The following SPAG16 variants were observed in gnomAD, a reference collection of about 807,000 sequenced individuals.
SPAG16 encodes sperm-associated antigen 16 protein.
A neutral mutation model predicts 80.4 loss-of-function variants in SPAG16; 86 were observed. The ratio of observed to expected loss-of-function variants is 1.07; its 90% CI spans 0.90 to 1.28. The LOEUF (loss-of-function observed/expected upper bound fraction) is 1.28, where lower values mean the gene tolerates loss of function less well. Ranked by LOEUF, SPAG16 falls within the 50% of genes most tolerant of loss-of-function variation. SPAG16 has a pLI of 0.00. For missense variants in SPAG16, 870 were observed against 765.3 expected (o/e 1.14, Z -1.61); for synonymous variants, 294 against 265.9 (o/e 1.11, Z -1.03).
intron 10 of SPAG16, among the ~76,000 whole-genome samples, chr2:213,577,245 A>G (rs1319708148): frequency 1.3e-5 from 2 of 152,180 alleles, no homozygotes; most frequent in East Asian, 3.8e-4. Context: ...ATAATCCTAG[A>G]TAACCAGAAG....
chr2:214,314,283 T>A (rs1459926364), intron 15 of SPAG16, among the ~76,000 whole-genome samples: 1 of 152,242 alleles, frequency 6.6e-6, no homozygotes, highest in African/African-American at 2.4e-5. Context: ...TAAATATGGT[T>A]GTAGCTGCCT....
chr2:213,906,665 A>G (rs1593693), intron 11 of SPAG16, among the ~76,000 whole-genome samples: 88,922 of 151,992 alleles, frequency 0.59, 27,827 homozygotes, highest in South Asian at 0.84. Flanking sequence ...ATAAAACCAG[A>G]CACATTAGAA....
rs548954958 is a variant in SPAG16, at chr2:214,259,874, A to C, written c.1720+110608A>C. 3.9e-5 allele frequency among the ~76,000 whole-genome samples: 6 copies of C among 152,264 alleles called. No individual in the cohort carries two copies. In the South Asian group the frequency reaches 1.2e-3, roughly 32 times the overall value. On this transcript the variant is annotated intron_variant, in intron 15 of 15. Coordinates refer to ENST00000331683, the MANE Select transcript of SPAG16 (RefSeq NM_024532.5). ...CATAGAGAGCCAGATCATCTGTCTC[A>C]GGCAGTTCTCCTTTGACCAGATCTT...
rs1422512006 is a variant in SPAG16, at chr2:214,342,912, G to A, written c.1721-67228G>A. Among the ~76,000 whole-genome samples, 8 of 152,114 alleles carry A rather than the reference G, an allele frequency of 5.3e-5. No homozygotes were observed. The East Asian group carries it at 1.5e-3, about 29-fold the overall frequency. Reference sequence around the variant, plus strand: ...ACATATTAATAAAGTTGGGTGTACTGTTTGAAGCCATAGCATTGAATGTAA... The same window carrying A: ...ACATATTAATAAAGTTGGGTGTACTATTTGAAGCCATAGCATTGAATGTAA... On this transcript the variant is annotated intron_variant, in intron 15 of 15. Coordinates refer to ENST00000331683, the MANE Select transcript of SPAG16 (RefSeq NM_024532.5).
At chr2:214,271,343 A>AT (rs1426835187) in intron 15 of SPAG16, among the ~76,000 whole-genome samples, 1 of 152,214 alleles carries the variant, frequency 6.6e-6, no homozygotes, top group Non-Finnish European at 1.5e-5. Context: ...CTGAATGTAA[A>AT]TAAGTCCCTT....
At chr2:214,012,284 A>T (rs377341450) in intron 12 of SPAG16, among the ~76,000 whole-genome samples, 5,717 of 53,908 alleles carry the variant, frequency 0.11, 508 homozygotes, top group African/African-American at 0.12. Context: ...ATATATATAT[A>T]TATATTTTTT....
intron 15 of SPAG16, among the ~76,000 whole-genome samples, chr2:214,263,373 A>G (rs917304304): frequency 1.3e-5 from 2 of 152,158 alleles, no homozygotes; most frequent in Non-Finnish European, 2.9e-5. Context: ...GAAATTTTGC[A>G]TATTATTGTA....
At chr2:214,344,586 A>G (rs1170374220) in intron 15 of SPAG16, among the ~76,000 whole-genome samples, 1 of 152,190 alleles carries the variant, frequency 6.6e-6, no homozygotes, top group African/African-American at 2.4e-5. Context: ...AATCAGGGTC[A>G]AACTTGGAAT....
intron 5 of SPAG16, among the ~76,000 whole-genome samples, chr2:213,328,728 T>C (rs2063948388): frequency 6.6e-6 from 1 of 152,216 alleles, no homozygotes; most frequent in Non-Finnish European, 1.5e-5. Context: ...AGTTGGTCTT[T>C]GTAGGAGTTT....
intron 15 of SPAG16, among the ~76,000 whole-genome samples, chr2:214,307,688 T>C (rs1391631272): frequency 6.6e-6 from 1 of 152,184 alleles, no homozygotes; most frequent in African/African-American, 2.4e-5. Context: ...TCAATTTCCA[T>C]GTAATTGTAT....
intron 9 of SPAG16, among the ~76,000 whole-genome samples, chr2:213,403,129 G>A (rs991833760): frequency 6.6e-6 from 1 of 152,078 alleles, no homozygotes; most frequent in African/African-American, 2.4e-5. Flanking sequence ...TCTAACTGGT[G>A]TGAGATGGTA....
At chr2:213,731,343 A>G (rs577165774) in intron 10 of SPAG16, among the ~76,000 whole-genome samples, 2 of 151,822 alleles carry the variant, frequency 1.3e-5, no homozygotes, top group African/African-American at 2.4e-5. Context: ...TATTTTTAGT[A>G]GAGACGGGGT....
Position 214,012,280 on chromosome 2 carries a change from A to AT in SPAG16, c.1401-1670dup, listed in dbSNP as rs1237894126. On this transcript the variant is annotated intron_variant, in intron 12 of 15. Coordinates refer to ENST00000331683, the MANE Select transcript of SPAG16 (RefSeq NM_024532.5). ...CTTACATATATATATATATATATAT[A>AT]TATATATATTTTTTTTTTTTTTTTT... Among the ~76,000 whole-genome samples, 209 of 46,318 alleles carry AT rather than the reference A, an allele frequency of 4.5e-3. 3 individuals are homozygous for AT. Among genetic ancestry groups the AT allele is most frequent in the Non-Finnish European group, 4.7e-3 (122 of 25,950 alleles). The allele number at this position is 46,318 out of a possible 152,430, so 30.4% of individuals were successfully genotyped here. A position where few individuals can be genotyped will look rare whatever the true frequency, so the allele number is the denominator to read the frequency against.
intron 15 of SPAG16, among the ~76,000 whole-genome samples, chr2:214,266,193 A>C (rs1465930099): frequency 6.6e-6 from 1 of 151,928 alleles, no homozygotes; most frequent in African/African-American, 2.4e-5. Context: ...TAGGAATGAA[A>C]ACTAGGGTAG....
chr2:214,162,181 C>T (rs577784777), intron 15 of SPAG16, among the ~76,000 whole-genome samples: 10 of 152,240 alleles, frequency 6.6e-5, no homozygotes, highest in African/African-American at 1.9e-4. Flanking sequence ...CTTTCCTGGG[C>T]TCAGCCTAAT....
chr2:213,624,352 C>A (rs941537077), intron 10 of SPAG16, among the ~76,000 whole-genome samples: 9 of 152,144 alleles, frequency 5.9e-5, no homozygotes, highest in African/African-American at 2.2e-4. Context: ...TAAAAAGCAT[C>A]TTCAGAAATT....
At chr2:213,307,085 A>G (rs1471726401) in intron 3 of SPAG16, among the ~76,000 whole-genome samples, 2 of 151,826 alleles carry the variant, frequency 1.3e-5, no homozygotes, top group African/African-American at 4.8e-5. Context: ...TTTACACTCT[A>G]CCCCTTTGTC....
chr2:213,497,020 C>G (rs1005457543), intron 10 of SPAG16, among the ~76,000 whole-genome samples: 1 of 151,668 alleles, frequency 6.6e-6, no homozygotes, highest in Non-Finnish European at 1.5e-5. Flanking sequence ...GAAAATTCCC[C>G]TTAGGAAGGT....
intron 15 of SPAG16, among the ~76,000 whole-genome samples, chr2:214,201,677 C>A (rs932405334): frequency 5.3e-5 from 8 of 152,106 alleles, no homozygotes; most frequent in Non-Finnish European, 1.0e-4. Flanking sequence ...ATGGGATAGA[C>A]TACATTTTAT....
Sources: allele counts gnomAD v4.1 joint callset (sites outside exome capture counted in the v4.1 genomes callset), GRCh38; gene constraint gnomAD v4.1.1; transcripts MANE v1.5; gene names NCBI Gene and HGNC (gene_info 2026-07-23, HGNC 2026-07-21).